MEGF10: variants seen among roughly 807,000 people sequenced by gnomAD.
MEGF10 encodes multiple epidermal growth factor-like domains protein 10.
MEGF10 carries 86 observed loss-of-function variants against 147.5 expected under a neutral mutation model. That is an observed-to-expected ratio of 0.58 (90% CI 0.49 to 0.70). MEGF10 has a LOEUF of 0.70. Ranked by LOEUF, MEGF10 falls within the 30% of genes least tolerant of loss-of-function variation. The pLI, the probability that MEGF10 is intolerant of heterozygous loss-of-function variation, is 0.00. For missense variants in MEGF10, 1,329 were observed against 1,487.3 expected (o/e 0.89, Z 1.75); for synonymous variants, 478 against 525.5 (o/e 0.91, Z 1.24).
chr5:127,348,385 G>A (rs1010302072), intron 4 of MEGF10, among the ~76,000 whole-genome samples: 10 of 152,056 alleles, frequency 6.6e-5, no homozygotes, highest in Non-Finnish European at 1.3e-4. Flanking sequence ...AAATGGAAAT[G>A]CAATCAAATT....
At chr5:127,445,010 A>T (rs537817885) in intron 19 of MEGF10, among the ~76,000 whole-genome samples, 1 of 152,368 alleles carries the variant, frequency 6.6e-6, no homozygotes, top group East Asian at 1.9e-4. Context: ...CCCCAAATTA[A>T]TTGCCAGTCT....
chr5:127,419,937 G>A, intron 11 of MEGF10, 107 bp from the exon 12 acceptor site: 3 of 1,294,476 alleles, frequency 2.3e-6, no homozygotes, highest in Non-Finnish European at 3.2e-6. Flanking sequence ...TGTGGCTGGG[G>A]CTTGCATCTC....
intron 1 of MEGF10, among the ~76,000 whole-genome samples, chr5:127,317,480 A>C (rs1037736782): frequency 6.6e-6 from 1 of 152,160 alleles, no homozygotes; most frequent in Non-Finnish European, 1.5e-5. Flanking sequence ...ATCTTGAATT[A>C]ATTTTTTTAT....
chr5:127,290,474 T>C (rs1759195352), upstream of MEGF10, among the ~76,000 whole-genome samples: 2 of 152,062 alleles, frequency 1.3e-5, no homozygotes, highest in Admixed American at 6.5e-5. Flanking sequence ...CCAACGTGGG[T>C]TGGGAATCAG....
At chr5:127,437,504 T>A (rs1221748438) in intron 16 of MEGF10, among the ~76,000 whole-genome samples, 2 of 152,220 alleles carry the variant, frequency 1.3e-5, no homozygotes, top group African/African-American at 2.4e-5. Context: ...ACATTCCCTA[T>A]GGGGTAGCCG....
chr5:127,445,748 G>C, intron 20 of MEGF10, 55 bp downstream of exon 20: 1 of 1,340,544 alleles, frequency 7.5e-7, no homozygotes, highest in Non-Finnish European at 1.1e-6. Flanking sequence ...AATTTCATTC[G>C]GGTTCTTTAA....
At chr5:127,350,989 G>A (rs1328789039) in intron 4 of MEGF10, among the ~76,000 whole-genome samples, 1 of 151,654 alleles carries the variant, frequency 6.6e-6, no homozygotes, top group Non-Finnish European at 1.5e-5. Context: ...GGTTACCAGA[G>A]GATGGGAAGG....
At chr5:127,380,361 G>A (rs1282823863) in intron 5 of MEGF10, among the ~76,000 whole-genome samples, 3 of 152,124 alleles carry the variant, frequency 2.0e-5, no homozygotes, top group Non-Finnish European at 4.4e-5. Flanking sequence ...GATTGGCAAA[G>A]CATCCGAAGC....
At chr5:127,254,281 ACAAT>A in the MEGF10 span, among the ~76,000 whole-genome samples, 1 of 152,168 alleles carries the variant, frequency 6.6e-6, no homozygotes, top group Admixed American at 6.6e-5. Context: ...ACACAAATGC[ACAAT>A]CATTTAATCT....
At chr5:127,385,004 A>G (rs1763378948) in intron 5 of MEGF10, among the ~76,000 whole-genome samples, 1 of 152,174 alleles carries the variant, frequency 6.6e-6, no homozygotes, top group African/African-American at 2.4e-5. Context: ...CTTAAGAAGA[A>G]AGGGTGTATG....
At chr5:127,376,105 G>T (rs144156540) in intron 5 of MEGF10, among the ~76,000 whole-genome samples, 2 of 152,304 alleles carry the variant, frequency 1.3e-5, no homozygotes, top group Non-Finnish European at 2.9e-5. Flanking sequence ...GGAGACAAGG[G>T]CTAAGAGTGT....
chr5:127,344,632 T>A (rs1358417227), intron 4 of MEGF10, among the ~76,000 whole-genome samples: 1 of 152,112 alleles, frequency 6.6e-6, no homozygotes, highest in Non-Finnish European at 1.5e-5. Context: ...AAATAAAACA[T>A]ACGTATTAAA....
rs148349018 is a variant in MEGF10 at position 127,396,536 on chromosome 5, C to T, written c.417C>T (p.Cys139=). 32 of 1,539,002 alleles carry T rather than the reference C, an allele frequency of 2.1e-5. No individual in the cohort carries two copies. The East Asian group carries it at 3.7e-4, about 18-fold the overall frequency. ...TGTTTCTCTCCTCAATCTCAGCCTG[C>T]GATGGTGATCACTGGGGTCCCCACT... ...GWGGTNCSSA[C]DGDHWGPHCT... Residue 139 remains cysteine, a synonymous_variant, in exon 6 of 25, where the codon TGC becomes TGT. Transcript: ENST00000503335.
the MEGF10 span, among the ~76,000 whole-genome samples, chr5:127,268,694 C>T: frequency 1.3e-5 from 2 of 152,206 alleles, no homozygotes; most frequent in Admixed American, 6.5e-5. Flanking sequence ...GCAGCAGAAA[C>T]CCCTGCAGAC....
At chr5:127,318,567 A>C (rs1159471386) in intron 1 of MEGF10, among the ~76,000 whole-genome samples, 1 of 152,210 alleles carries the variant, frequency 6.6e-6, no homozygotes, top group Non-Finnish European at 1.5e-5. Flanking sequence ...TGCTTTAAAA[A>C]CTTGTAAAAT....
At chr5:127,238,599 G>A in the MEGF10 span, among the ~76,000 whole-genome samples, 13 of 152,342 alleles carry the variant, frequency 8.5e-5, no homozygotes, top group African/African-American at 2.9e-4. Flanking sequence ...AAAGTCACAC[G>A]GGTGGGAAGT....
intron 9 of MEGF10, 140 bp downstream of exon 9, chr5:127,410,741 C>T (rs1764527200): frequency 6.9e-6 from 5 of 724,426 alleles, no homozygotes; most frequent in South Asian, 1.8e-5. Flanking sequence ...CAGGAATCGC[C>T]GAGTAAAAGG....
chr5:127,234,131 G>C, the MEGF10 span, among the ~76,000 whole-genome samples: 1 of 152,144 alleles, frequency 6.6e-6, no homozygotes, highest in African/African-American at 2.4e-5. Flanking sequence ...CTGTATTTAC[G>C]CTCAGTAATC....
chr5:127,380,525 T>A (rs1019803911), intron 5 of MEGF10, among the ~76,000 whole-genome samples: 1 of 90,394 alleles, frequency 1.1e-5, no homozygotes, highest in Admixed American at 1.0e-4. Context: ...TTCCTTTTCT[T>A]TTTTTTTTTT....
Sources: allele counts gnomAD v4.1 joint callset (sites outside exome capture counted in the v4.1 genomes callset), GRCh38; gene constraint gnomAD v4.1.1; transcripts MANE v1.5; gene names NCBI Gene and HGNC (gene_info 2026-07-23, HGNC 2026-07-21).